The following RHPN2 variants were observed in gnomAD, a reference collection of about 807,000 sequenced individuals.
RHPN2 encodes the protein rhophilin Rho GTPase binding protein 2.
A neutral mutation model predicts 79.0 loss-of-function variants in RHPN2; 40 were observed. The observed-to-expected ratio is 0.51, with a 90% CI of 0.39 to 0.66. The LOEUF (loss-of-function observed/expected upper bound fraction) is 0.66, where lower values mean the gene tolerates loss of function less well. Among genes scored for constraint, RHPN2 ranks in the 30% least tolerant of loss-of-function variants. The probability of loss-of-function intolerance (pLI) is 0.00; values close to 1 mark genes in which losing one functional copy is unlikely to be tolerated. For missense variants in RHPN2, 686 were observed against 883.5 expected (o/e 0.78, Z 2.83); for synonymous variants, 285 against 363.5 (o/e 0.78, Z 2.46).
chr19:33,034,605 C>G (rs796807253), intron 2 of RHPN2, among the ~76,000 whole-genome samples: 9 of 95,702 alleles, frequency 9.4e-5, no homozygotes, highest in African/African-American at 4.2e-4. Context: ...GACTCCGTCT[C>G]AAAAAAAAAA....
intron 2 of RHPN2, among the ~76,000 whole-genome samples, chr19:33,031,746 A>T (rs1972013846): frequency 6.6e-6 from 1 of 151,756 alleles, no homozygotes; most frequent in Non-Finnish European, 1.5e-5. Flanking sequence ...CAGTGGCGTG[A>T]TCTTGGCTCA....
rs557769953 is a variant in RHPN2, at chr19:33,062,694, G to A, written c.69+2090C>T. Among the ~76,000 whole-genome samples, 41 of 151,194 alleles carry A rather than the reference G, an allele frequency of 2.7e-4. No homozygotes were observed. In the East Asian group the frequency reaches 2.7e-3, roughly 10 times the overall value. On this transcript the variant is annotated intron_variant, in intron 1 of 14. Transcript: ENST00000254260. ...GCTGAGGCAGAACTGCTTGAACCCC[G>A]GAGGCAGAGGTTGCAGTGAGCCGAA...
chr19:33,060,064 G>A (rs1403342001), intron 1 of RHPN2, among the ~76,000 whole-genome samples: 1 of 152,184 alleles, frequency 6.6e-6, no homozygotes, highest in African/African-American at 2.4e-5. Flanking sequence ...TCCCATGAGG[G>A]CCATCAAGTC....
Position 33,044,412 on chromosome 19 carries a change from A to T in RHPN2, c.70-48T>A, listed in dbSNP as rs1385357791. The T allele has an allele frequency of 2.5e-6, 3 of 1,193,486 alleles. No individual in the cohort carries two copies. The Admixed American group carries it at 5.1e-5, about 20-fold the overall frequency. 73.9% of individuals were successfully genotyped at this position (1,193,486 alleles called of 1,614,324 possible). A position where few individuals can be genotyped will look rare whatever the true frequency, so the allele number is the denominator to read the frequency against. On this transcript the variant is annotated intron_variant, in intron 1 of 14. Coordinates refer to ENST00000254260, the MANE Select transcript of RHPN2 (RefSeq NM_033103.5). ...CCTTCAGAGGTCGGCCACTCTAAAA[A>T]TGATGACAGGGTTTAATATAATGGA... is the stretch of plus-strand genomic sequence containing the variant.
chr19:33,023,453 GA>G (rs147399237), intron 3 of RHPN2, among the ~76,000 whole-genome samples: 9 of 124,052 alleles, frequency 7.3e-5, no homozygotes, highest in Non-Finnish European at 8.8e-5. Flanking sequence ...AAAAAAAAAA[GA>G]AAAAAAAAAG....
chr19:33,061,454 C>T (rs1972279608), intron 1 of RHPN2, among the ~76,000 whole-genome samples: 1 of 151,496 alleles, frequency 6.6e-6, no homozygotes, highest in South Asian at 2.1e-4. Context: ...ATCCACTAGA[C>T]TCAGCCTCCC....
chr19:33,051,382 T>G (rs952722474), intron 1 of RHPN2: 1 of 152,800 alleles, frequency 6.5e-6, no homozygotes, highest in Admixed American at 6.5e-5. Flanking sequence ...GAGCAGCACC[T>G]AGACAAAGCC....
At chr19:33,061,398 G>T (rs1972279214) in intron 1 of RHPN2, among the ~76,000 whole-genome samples, 2 of 151,550 alleles carry the variant, frequency 1.3e-5, no homozygotes, top group South Asian at 4.2e-4. Flanking sequence ...GTAGAGACGG[G>T]GTTTCACTGT....
chr19:33,016,713 A>G (rs890395449), intron 4 of RHPN2, among the ~76,000 whole-genome samples: 28 of 152,154 alleles, frequency 1.8e-4, no homozygotes, highest in African/African-American at 6.5e-4. Context: ...AAAATAAAAC[A>G]AAATCACACT....
At chr19:32,990,137 T>TAAAGGAAGAAAGAAAGAAAG (rs1555709909) in intron 14 of RHPN2, among the ~76,000 whole-genome samples, 1 of 17,872 alleles carries the variant, frequency 5.6e-5, no homozygotes, top group Non-Finnish European at 1.4e-4. Context: ...AGAAAATGAA[T>TAAAGGAAGAAAGAAAGAAAG]AAAGAAAGAA....
chr19:33,045,195 G>A (rs1972132746), intron 1 of RHPN2, among the ~76,000 whole-genome samples: 1 of 151,648 alleles, frequency 6.6e-6, no homozygotes, highest in Non-Finnish European at 1.5e-5. Flanking sequence ...GGGACTACAG[G>A]TGCATGTCAC....
chr19:33,002,221 A>G (rs1414710290), intron 9 of RHPN2, 26 bp downstream of exon 9: 3 of 1,610,404 alleles, frequency 1.9e-6, no homozygotes, highest in Admixed American at 1.7e-5. Context: ...AGCCCTCGCC[A>G]AACTCCCGAA....
intron 1 of RHPN2, among the ~76,000 whole-genome samples, chr19:33,052,473 T>A (rs1428533099): frequency 6.6e-6 from 1 of 152,234 alleles, no homozygotes; most frequent in Non-Finnish European, 1.5e-5. Context: ...TTTTAGCTGC[T>A]TCTCCAGCAA....
chr19:33,055,826 G>A (rs1293097210), intron 1 of RHPN2, among the ~76,000 whole-genome samples: 1 of 151,880 alleles, frequency 6.6e-6, no homozygotes, highest in African/African-American at 2.4e-5. Context: ...CCATAAACCA[G>A]GACACAATGA....
intron 7 of RHPN2, among the ~76,000 whole-genome samples, 154 bp downstream of exon 7, chr19:33,007,860 G>A (rs1971804659): frequency 6.6e-6 from 1 of 151,960 alleles, no homozygotes; most frequent in Non-Finnish European, 1.5e-5. Flanking sequence ...ACCGCGCCCG[G>A]CCGGAGCAAG....
intron 1 of RHPN2, among the ~76,000 whole-genome samples, chr19:33,056,488 G>A (rs1265266710): frequency 6.6e-6 from 1 of 152,056 alleles, no homozygotes; most frequent in East Asian, 1.9e-4. Context: ...GGCAGTTGCA[G>A]AAAAGGAATC....
rs893367450 is a variant in RHPN2 at position 33,060,297 on chromosome 19, C to T, written c.69+4487G>A. The stretch of plus-strand genomic sequence containing the variant: ...AGTAGGTGGGACCATAGCTGGGTGC[C>T]ACCACACCTGGCTAATAGGCAGGCA... On this transcript the variant is annotated intron_variant, in intron 1 of 14. Transcript: ENST00000254260. 3.9e-5 allele frequency among the ~76,000 whole-genome samples: 6 copies of T among 152,138 alleles called. No homozygotes were observed. In the East Asian group the frequency reaches 1.2e-3, roughly 30 times the overall value.
At chr19:32,996,470 C>A in intron 10 of RHPN2, 1 of 535,958 alleles carries the variant, frequency 1.9e-6, no homozygotes, top group South Asian at 2.0e-5. Flanking sequence ...CTAGTGTAAG[C>A]TGACTCCAAG....
chr19:33,052,767 AG>A (rs1972199436), intron 1 of RHPN2, among the ~76,000 whole-genome samples: 1 of 152,154 alleles, frequency 6.6e-6, no homozygotes, highest in Non-Finnish European at 1.5e-5. Flanking sequence ...CTGCCCTTCC[AG>A]GATCTCTGCC....
Sources: gnomAD v4.1 joint callset for allele counts (sites outside exome capture counted in the v4.1 genomes callset) on GRCh38, gnomAD v4.1.1 for gene constraint, MANE v1.5 for transcripts, NCBI Gene and HGNC (gene_info 2026-07-23, HGNC 2026-07-21) for gene names.